The following CPED1 variants were observed in gnomAD, a reference collection of about 807,000 sequenced individuals.
The protein encoded by CPED1 is cadherin-like and PC-esterase domain-containing protein 1.
Under a neutral mutation model 128.2 loss-of-function variants are expected in CPED1, and 114 were observed. The ratio of observed to expected loss-of-function variants is 0.89; its 90% confidence interval spans 0.76 to 1.04. The LOEUF is 1.04. Ranked by LOEUF, CPED1 falls within the 50% of genes least tolerant of loss-of-function variation. CPED1 has a pLI of 0.00. For missense variants in CPED1, 1,211 were observed against 1,207.1 expected, an observed-to-expected ratio of 1.00 and a Z score of -0.05; for synonymous variants, 462 against 426.7, an observed-to-expected ratio of 1.08 and a Z score of -1.02.
chr7:121,162,399 A>G (rs570469048), intron 16 of CPED1, among the ~76,000 whole-genome samples: 5 of 152,368 alleles, frequency 3.3e-5, no homozygotes, highest in African/African-American at 9.6e-5. Context: ...CAAGGCAAAC[A>G]AGTAAATAAA....
At chr7:121,212,640 G>T (rs1013357988) in intron 16 of CPED1, among the ~76,000 whole-genome samples, 1 of 151,898 alleles carries the variant, frequency 6.6e-6, no homozygotes, top group African/African-American at 2.4e-5. Flanking sequence ...ATGAGGGCAG[G>T]GGCTATGGCA....
intron 16 of CPED1, among the ~76,000 whole-genome samples, chr7:121,220,439 G>C (rs1797850343): frequency 6.6e-6 from 1 of 151,966 alleles, no homozygotes; most frequent in Non-Finnish European, 1.5e-5. Flanking sequence ...TTAAATGGCT[G>C]TACAGGCTGC....
At chr7:121,126,618 G>A (rs575823599) in intron 9 of CPED1, among the ~76,000 whole-genome samples, 116 of 152,008 alleles carry the variant, frequency 7.6e-4, no homozygotes, top group African/African-American at 2.7e-3. Flanking sequence ...CTATTATTCC[G>A]GTAAGCCAAT....
intron 2 of CPED1, among the ~76,000 whole-genome samples, chr7:121,009,388 G>T (rs1792103629): frequency 6.6e-6 from 1 of 152,060 alleles, no homozygotes; most frequent in African/African-American, 2.4e-5. Flanking sequence ...TGGACTGCTT[G>T]AGCCCAGTAG....
At chr7:120,990,894 T>A (rs1343007460) in intron 2 of CPED1, among the ~76,000 whole-genome samples, 1 of 152,242 alleles carries the variant, frequency 6.6e-6, no homozygotes, top group Non-Finnish European at 1.5e-5. Context: ...AACTCTTTTA[T>A]TTATTTCGTT....
At chr7:121,177,295 G>A (rs1285077717) in intron 16 of CPED1, among the ~76,000 whole-genome samples, 1 of 151,956 alleles carries the variant, frequency 6.6e-6, no homozygotes, top group Non-Finnish European at 1.5e-5. Flanking sequence ...TCAATGATAT[G>A]TGTGTGTGTT....
intron 17 of CPED1, 30 bp downstream of exon 17, chr7:121,236,861 A>T (rs894970567): frequency 8.2e-7 from 1 of 1,215,624 alleles, no homozygotes; most frequent in African/African-American, 1.5e-5. Flanking sequence ...TCACTTCTCT[A>T]AAAAAAGAAT....
At chr7:121,249,348 A>C (rs761194002) in intron 18 of CPED1, among the ~76,000 whole-genome samples, 18 of 152,272 alleles carry the variant, frequency 1.2e-4, no homozygotes, top group Non-Finnish European at 2.4e-4. Flanking sequence ...GCTATATGAA[A>C]TGACCATCCC....
chr7:121,135,788 T>C (rs943791296), intron 13 of CPED1, among the ~76,000 whole-genome samples: 1 of 152,160 alleles, frequency 6.6e-6, no homozygotes, highest in African/African-American at 2.4e-5. Context: ...CTGATCAACG[T>C]CAGGCAATAA....
chr7:121,290,024 T>C (rs1792661783), intron 22 of CPED1, among the ~76,000 whole-genome samples: 1 of 152,182 alleles, frequency 6.6e-6, no homozygotes, highest in Admixed American at 6.5e-5. Context: ...TTCTCATCGT[T>C]CAACTCCCAC....
intron 5 of CPED1, among the ~76,000 whole-genome samples, chr7:121,074,420 C>T (rs930857865): frequency 3.3e-5 from 5 of 151,286 alleles, no homozygotes; most frequent in Non-Finnish European, 4.4e-5. Flanking sequence ...AACCCAACTG[C>T]GCTTTCACAA....
At chr7:121,199,325 T>C (rs1390265585) in intron 16 of CPED1, among the ~76,000 whole-genome samples, 2 of 152,038 alleles carry the variant, frequency 1.3e-5, no homozygotes, top group Admixed American at 6.6e-5. Flanking sequence ...CATAATAATT[T>C]AGTCAACAGT....
At chr7:121,245,182 G>T (rs1798496691) in intron 18 of CPED1, among the ~76,000 whole-genome samples, 1 of 152,126 alleles carries the variant, frequency 6.6e-6, no homozygotes, top group Admixed American at 6.5e-5. Flanking sequence ...CAATTTACTA[G>T]CAAATAGTTA....
intron 3 of CPED1, among the ~76,000 whole-genome samples, chr7:121,036,281 C>G (rs898863482): frequency 1.3e-5 from 2 of 152,066 alleles, no homozygotes; most frequent in Non-Finnish European, 2.9e-5. Flanking sequence ...CATCCCCCAG[C>G]CTTTTCCCCA....
At chr7:121,230,150 CA>C (rs1798105224) in intron 16 of CPED1, among the ~76,000 whole-genome samples, 1 of 151,942 alleles carries the variant, frequency 6.6e-6, no homozygotes, top group Non-Finnish European at 1.5e-5. Context: ...GAGGTCAAGG[CA>C]ATTCCCATGA....
chr7:121,190,757 C>T (rs893578062), intron 16 of CPED1, among the ~76,000 whole-genome samples: 12 of 151,228 alleles, frequency 7.9e-5, no homozygotes, highest in African/African-American at 1.9e-4. Context: ...CTTTTTTGAC[C>T]GTCAAAAACT....
At chr7:121,032,811 C>T (rs1205980387) in intron 3 of CPED1, among the ~76,000 whole-genome samples, 2 of 152,082 alleles carry the variant, frequency 1.3e-5, no homozygotes, top group African/African-American at 4.8e-5. Flanking sequence ...CCTAAATATT[C>T]TTCATCTCAT....
chr7:121,100,218 T>C (rs1794815961), intron 7 of CPED1, 124 bp downstream of exon 7: 1 of 834,132 alleles, frequency 1.2e-6, no homozygotes, highest in Non-Finnish European at 1.8e-6. Context: ...ACATCTTTTT[T>C]ATTGCCGCAA....
intron 3 of CPED1, among the ~76,000 whole-genome samples, chr7:121,043,987 C>A (rs1563003370): frequency 6.6e-6 from 1 of 152,118 alleles, no homozygotes; most frequent in Non-Finnish European, 1.5e-5. Flanking sequence ...GGCTCCAAAG[C>A]CCCGCAATAT....
Sources: gnomAD v4.1 joint callset for allele counts (sites outside exome capture counted in the v4.1 genomes callset) on GRCh38, gnomAD v4.1.1 for gene constraint, MANE v1.5 for transcripts, NCBI Gene and HGNC (gene_info 2026-07-23, HGNC 2026-07-21) for gene names.